RRP1B: variants seen among roughly 807,000 people sequenced by gnomAD.
RRP1B encodes ribosomal RNA processing protein 1 homolog B.
In RRP1B, 56 loss-of-function variants were observed where a neutral mutation model predicts 80.2. That is an observed-to-expected ratio of 0.70 (90% CI 0.56 to 0.87). RRP1B has a LOEUF of 0.87. Ranked by LOEUF, RRP1B falls within the 40% of genes least tolerant of loss-of-function variation. The pLI, the probability that RRP1B is intolerant of heterozygous loss-of-function variation, is 0.00. For missense variants in RRP1B, 807 were observed against 939.8 expected, an observed-to-expected ratio of 0.86 and a Z score of 1.85; for synonymous variants, 351 against 357.6, an observed-to-expected ratio of 0.98 and a Z score of 0.21.
chr21:43,684,217 G>A (rs375669171), intron 9 of RRP1B, among the ~76,000 whole-genome samples: 2 of 151,024 alleles, frequency 1.3e-5, no homozygotes, highest in East Asian at 2.0e-4. Flanking sequence ...GACTACAGGC[G>A]CCCGCCATCA....
At chr21:43,692,048 G>A (rs1220576032) in intron 15 of RRP1B, among the ~76,000 whole-genome samples, 2 of 152,182 alleles carry the variant, frequency 1.3e-5, no homozygotes, top group Non-Finnish European at 2.9e-5. Context: ...GCAGCCAATT[G>A]CCTGGGACCT....
rs1417349295 is a variant in RRP1B, at chr21:43,691,630, TA to T, written c.2083+129del. The T allele has an allele frequency of 7.8e-6, 5 of 639,050 alleles. No individual in the cohort carries two copies. The highest frequency in any genetic ancestry group is 4.4e-5 in the African/African-American group (2 of 45,302). The allele number at this position is 639,050 out of a possible 1,614,324, so 39.6% of individuals were successfully genotyped here. A position where few individuals can be genotyped will look rare whatever the true frequency, so the allele number is the denominator to read the frequency against. ...CCTAGCTCCTCACTGCCCATTTCTT[TA>T]TTTTTATTTTTTTTTTTTTTTTGAG... On this transcript the variant is annotated intron_variant, in intron 15 of 15. Transcript: ENST00000340648. The surrounding 1 kb of genome is among the most constrained non-coding windows in gnomAD (Gnocchi z 4.2).
intron 4 of RRP1B, 75 bp downstream of exon 4, chr21:43,674,030 GT>G: frequency 9.0e-7 from 1 of 1,114,450 alleles, no homozygotes; most frequent in Non-Finnish European, 1.3e-6. Flanking sequence ...CAATGGGAAG[GT>G]TTATTTGTGA....
intron 8 of RRP1B, among the ~76,000 whole-genome samples, chr21:43,677,197 A>G (rs1449930769): frequency 6.6e-6 from 1 of 152,224 alleles, no homozygotes; most frequent in Admixed American, 6.5e-5. Flanking sequence ...TGTCACTGCT[A>G]GTGCTTTTTG....
At chr21:43,692,639 C>T (rs951975656) in intron 15 of RRP1B, among the ~76,000 whole-genome samples, 11 of 151,836 alleles carry the variant, frequency 7.2e-5, no homozygotes, top group African/African-American at 2.4e-4. Context: ...AATTTAGGAC[C>T]TGACTCTTGT....
chr21:43,674,799 A>G, intron 5 of RRP1B, 102 bp downstream of exon 5: 1 of 1,115,416 alleles, frequency 9.0e-7, no homozygotes, highest in Non-Finnish European at 1.3e-6. Flanking sequence ...GAAGCTCGAT[A>G]CATCGTTACC....
chr21:43,683,780 GA>G (rs968402651), intron 9 of RRP1B, among the ~76,000 whole-genome samples: 2 of 152,038 alleles, frequency 1.3e-5, no homozygotes, highest in Non-Finnish European at 2.9e-5. Context: ...AAGAGTTCGA[GA>G]CCAGCCTGGC....
intron 6 of RRP1B, among the ~76,000 whole-genome samples, chr21:43,675,629 G>T (rs1388220877): frequency 6.6e-6 from 1 of 151,912 alleles, no homozygotes; most frequent in Non-Finnish European, 1.5e-5. Flanking sequence ...GTATTTTTTT[G>T]ATTAAAAGAA....
chr21:43,662,127 G>T (rs548985817), intron 1 of RRP1B, among the ~76,000 whole-genome samples: 1 of 152,224 alleles, frequency 6.6e-6, no homozygotes, highest in African/African-American at 2.4e-5. Flanking sequence ...GTACAAGAGT[G>T]GAAGACCAGA....
At chr21:43,665,870 C>T (rs2082976339) in intron 1 of RRP1B, among the ~76,000 whole-genome samples, 2 of 152,212 alleles carry the variant, frequency 1.3e-5, no homozygotes, top group Non-Finnish European at 2.9e-5. Context: ...AAATAAACCT[C>T]TTAGCGTCAG....
chr21:43,668,422 G>A (rs1398525785), intron 1 of RRP1B, among the ~76,000 whole-genome samples: 2 of 149,194 alleles, frequency 1.3e-5, no homozygotes, highest in African/African-American at 5.0e-5. Flanking sequence ...GTGCAGTGGC[G>A]CAATCTCAGC....
At chr21:43,661,673 C>A (rs982705924) in intron 1 of RRP1B, among the ~76,000 whole-genome samples, 2 of 152,222 alleles carry the variant, frequency 1.3e-5, no homozygotes, top group African/African-American at 4.8e-5. Context: ...CCAGGGTCAT[C>A]TTCCTAAAAC....
rs763993695 is a variant in RRP1B, at chr21:43,687,698, C to T, written c.1324C>T (p.Arg442Cys). 9 of 1,610,114 alleles carry T rather than the reference C, an allele frequency of 5.6e-6. No individual in the cohort carries two copies. Among genetic ancestry groups the T allele is most frequent in the South Asian group, 1.1e-5 (1 of 90,942 alleles). ...CTCTGGGCTGAAAGCCCTGAAGGCACGTGTGGCCGAGCCAGGTGCAGAGGC... is the reference window on the plus strand; with the variant it reads ...CTCTGGGCTGAAAGCCCTGAAGGCATGTGTGGCCGAGCCAGGTGCAGAGGC... ...EASGLKALKA[R>C]VAEPGAEATS... The change falls in exon 13 of 16, where the codon CGT (arginine) becomes TGT (cysteine). Residue 442 changes from arginine to cysteine, a missense_variant. Physicochemically the swap from Arg to Cys is radical, Grantham distance 180. Transcript: ENST00000340648.
At chr21:43,673,654 A>G (rs898473621) in intron 3 of RRP1B, among the ~76,000 whole-genome samples, 1 of 151,052 alleles carries the variant, frequency 6.6e-6, no homozygotes, top group Non-Finnish European at 1.5e-5. Flanking sequence ...AAAAAAAAAA[A>G]GTAAAAGATC....
At chr21:43,674,405 C>A (rs569464349) in intron 4 of RRP1B, among the ~76,000 whole-genome samples, 2 of 152,264 alleles carry the variant, frequency 1.3e-5, no homozygotes, top group Admixed American at 1.3e-4. Flanking sequence ...GATCTGCCCA[C>A]CTCAGCCTCC....
intron 9 of RRP1B, among the ~76,000 whole-genome samples, chr21:43,683,988 A>AAG (rs1383415366): frequency 1.3e-5 from 2 of 150,858 alleles, no homozygotes; most frequent in Non-Finnish European, 3.0e-5. Flanking sequence ...AAAAAAAAAA[A>AAG]AAGCACACCC....
rs1003487701 is a variant in RRP1B, at chr21:43,691,574, G to T, written c.2083+72G>T. 2.9e-6 allele frequency: 4 copies of T among 1,367,762 alleles called. No individual in the cohort carries two copies. The highest frequency in any genetic ancestry group is 3.4e-5 in the Admixed American group (2 of 58,792). 84.7% of individuals were successfully genotyped at this position (1,367,762 alleles called of 1,614,324 possible). On this transcript the variant is annotated intron_variant, in intron 15 of 15. Transcript: ENST00000340648. The surrounding 1 kb of genome is among the most constrained non-coding windows in gnomAD (Gnocchi z 4.2). ...AGCTCCTGGCGCGGCTCGCAGCCTG[G>T]TTCCACAAGGCGGTCGGGGAAGAGG...
Position 43,686,071 on chromosome 21 carries a change from T to A in RRP1B, c.1009+282T>A, listed in dbSNP as rs2083062002. Reference sequence around the variant, plus strand: ...AGGAGGTCCAGGATGCAGTAAGTTGTAATCACACCACTGCACTCCAGCCTG... The same window carrying A: ...AGGAGGTCCAGGATGCAGTAAGTTGAAATCACACCACTGCACTCCAGCCTG... On this transcript the variant is annotated intron_variant, in intron 11 of 15. Coordinates refer to ENST00000340648, the MANE Select transcript of RRP1B (RefSeq NM_015056.3). 5 of 284,740 alleles carry A rather than the reference T, an allele frequency of 1.8e-5. No individual in the cohort carries two copies. In the South Asian group the frequency reaches 3.1e-4, roughly 18 times the overall value. 17.6% of individuals were successfully genotyped at this position (284,740 alleles called of 1,614,324 possible).
intron 4 of RRP1B, 50 bp from the exon 5 acceptor site, chr21:43,674,586 C>CATT: frequency 2.5e-6 from 1 of 392,162 alleles, no homozygotes; most frequent in Non-Finnish European, 3.8e-6. Context: ...CTTACCTTTC[C>CATT]TTTTTTTTTT....
Sources: gnomAD v4.1 joint callset for allele counts (sites outside exome capture counted in the v4.1 genomes callset) on GRCh38, gnomAD v4.1.1 for gene constraint, Gnocchi (gnomAD v3.1) non-coding constraint, MANE v1.5 for transcripts, NCBI Gene and HGNC (gene_info 2026-07-23, HGNC 2026-07-21) for gene names.